The following WDR76 variants were observed in gnomAD, a reference collection of about 807,000 sequenced individuals.
WDR76 encodes WD repeat-containing protein 76.
Under a neutral mutation model 70.2 loss-of-function variants are expected in WDR76, and 52 were observed. That is an observed-to-expected ratio of 0.74 (90% confidence interval 0.59 to 0.93). The LOEUF (loss-of-function observed/expected upper bound fraction) is 0.93, where lower values mean the gene tolerates loss of function less well. Among genes scored for constraint, WDR76 ranks in the 40% least tolerant of loss-of-function variants. The probability of loss-of-function intolerance (pLI) is 0.00; values close to 1 mark genes in which losing one functional copy is unlikely to be tolerated. For synonymous variants in WDR76, 292 were observed against 271.1 expected, an observed-to-expected ratio of 1.08 and a Z score of -0.76; for missense variants, 756 against 760.2, an observed-to-expected ratio of 0.99 and a Z score of 0.07.
In WDR76 at chr15:43,868,153, T is replaced by A. The variant is rs1377083453; in HGVS notation, c.*1761T>A. The A allele has an allele frequency of 2.0e-5, 3 of 152,210 alleles. No homozygotes were observed. Among genetic ancestry groups the A allele is most frequent in the African/African-American group, 4.8e-5 (2 of 41,462 alleles). The allele number at this position is 152,210 out of a possible 1,614,324, so 9.4% of individuals were successfully genotyped here. A position where few individuals can be genotyped will look rare whatever the true frequency, so the allele number is the denominator to read the frequency against. ...GACAAGTGAGATGGAAATGTTAATT[T>A]ATAAAGGGAAAGAAAAGCTAGGTGA... On this transcript the variant is annotated 3_prime_UTR_variant, in exon 13 of 13. Transcript: ENST00000263795.
chr15:43,864,544 C>T lies in WDR76; in HGVS notation c.1617-1584C>T, dbSNP rs143632254. On this transcript the variant is annotated intron_variant, in intron 12 of 12. Transcript: ENST00000263795. ...TTCATATAATTGGCCATTTGTATAT[C>T]GTCTTTTGAGAAGTGTGTATTCAGA... 1.3e-4 allele frequency among the ~76,000 whole-genome samples: 19 copies of T among 151,854 alleles called. No homozygotes were observed. In the East Asian group the frequency reaches 3.1e-3, roughly 25 times the overall value.
In WDR76 at chr15:43,868,318, T is replaced by C. The variant is rs1368746882; in HGVS notation, c.*1926T>C. On this transcript the variant is annotated 3_prime_UTR_variant, in exon 13 of 13. Coordinates refer to ENST00000263795, the MANE Select transcript of WDR76 (RefSeq NM_024908.4). ...TTTTTGTTTTTGTTTTTAAAGATGC[T>C]GAAAACTACTCTCAATCAAATTAGT... 6.6e-6 allele frequency: 1 copy of C among 152,350 alleles called. No homozygotes were observed. The allele number at this position is 152,350 out of a possible 1,614,324, so 9.4% of individuals were successfully genotyped here.
chr15:43,865,737 G>T (rs2088062269), intron 12 of WDR76, among the ~76,000 whole-genome samples: 1 of 152,174 alleles, frequency 6.6e-6, no homozygotes, highest in African/African-American at 2.4e-5. Context: ...TTTATGTAGG[G>T]TGACTATTCT....
At position 43,836,087 on chromosome 15, in the gene WDR76, G is replaced by A. The variant is rs2087652210; in HGVS notation, c.553-74G>A. The stretch of plus-strand genomic sequence containing the variant: ...TAGACCTTAGTTTAGTGTGGGTATA[G>A]TAGCAGATGCTTAATATTTTAAAAG... On this transcript the variant is annotated intron_variant, in intron 3 of 12. Coordinates refer to ENST00000263795, the MANE Select transcript of WDR76 (RefSeq NM_024908.4). 6.6e-6 allele frequency: 9 copies of A among 1,371,964 alleles called. No homozygotes were observed. In the Admixed American group the frequency reaches 1.8e-4, roughly 27 times the overall value. The allele number at this position is 1,371,964 out of a possible 1,614,324, so 85.0% of individuals were successfully genotyped here.
intron 8 of WDR76, among the ~76,000 whole-genome samples, chr15:43,849,527 A>T (rs966638682): frequency 6.6e-6 from 1 of 152,108 alleles, no homozygotes; most frequent in Non-Finnish European, 1.5e-5. Flanking sequence ...AATTTTGGTT[A>T]ATTTTAGATT....
chr15:43,836,030 A>G (rs187708992), intron 3 of WDR76, 131 bp from the exon 4 acceptor site: 116 of 699,038 alleles, frequency 1.7e-4, no homozygotes, highest in Non-Finnish European at 2.3e-4. Context: ...ATCATGACTC[A>G]TGGCCTATCT....
intron 12 of WDR76, among the ~76,000 whole-genome samples, chr15:43,863,648 CTCCT>C: frequency 6.6e-6 from 1 of 152,076 alleles, no homozygotes; most frequent in Admixed American, 6.5e-5. Context: ...CAGCCTCAAT[CTCCT>C]GGACTTGAGC....
intron 10 of WDR76, chr15:43,857,447 C>T (rs2087942212): frequency 1.0e-6 from 1 of 984,948 alleles, no homozygotes; most frequent in Non-Finnish European, 1.2e-6. Flanking sequence ...ATTTAAATTT[C>T]ACAGAAAAAA....
intron 7 of WDR76, among the ~76,000 whole-genome samples, chr15:43,843,278 C>T (rs988868736): frequency 3.3e-5 from 5 of 152,100 alleles, no homozygotes; most frequent in African/African-American, 1.2e-4. Context: ...GCCTTGGACT[C>T]CCAAAGTGCT....
intron 11 of WDR76, 76 bp from the exon 12 acceptor site, chr15:43,861,257 C>T: frequency 8.3e-7 from 1 of 1,208,628 alleles, no homozygotes. Flanking sequence ...TAATGAGAAG[C>T]TTGTTAAATA....
chr15:43,836,173 CT>C lies in WDR76; in HGVS notation c.566del (p.Leu189ProfsTer4). ...TTATACTTTACAGTCTGCTGCAAGA[CT>C]CCGTGAAATGATAGAGAAGAGACAG... is the stretch of plus-strand genomic sequence containing the variant. Reference protein sequence around the residue: ...SLQLSESAARLREMIEKRQPP... With the variant: ...SLQLSESAARXREMIEKRQPP... On this transcript the variant is annotated frameshift_variant, in exon 4 of 13. Transcript: ENST00000263795. LOFTEE classifies it high-confidence loss of function. 1 of 1,608,134 alleles carries C rather than the reference CT, an allele frequency of 6.2e-7. No homozygotes were observed.
At chr15:43,857,961 C>CTTT (rs397854561) in intron 10 of WDR76, among the ~76,000 whole-genome samples, 31 of 95,524 alleles carry the variant, frequency 3.2e-4, no homozygotes, top group African/African-American at 9.7e-4. Context: ...AGGGTTCTGT[C>CTTT]TTTTTTTTTT....
intron 9 of WDR76, among the ~76,000 whole-genome samples, chr15:43,853,331 T>C (rs1180032228): frequency 1.3e-5 from 2 of 151,720 alleles, no homozygotes; most frequent in South Asian, 2.1e-4. Flanking sequence ...GCTGGAACTA[T>C]AGTCATGTGT....
At chr15:43,835,282 C>G in intron 3 of WDR76, 132 bp downstream of exon 3, 1 of 686,884 alleles carries the variant, frequency 1.5e-6, no homozygotes, top group Admixed American at 2.7e-5. Context: ...GCCTGGGTAA[C>G]ATACGGAGAC....
intron 8 of WDR76, among the ~76,000 whole-genome samples, chr15:43,846,751 G>A (rs1290189427): frequency 6.6e-6 from 1 of 152,042 alleles, no homozygotes; most frequent in Non-Finnish European, 1.5e-5. Flanking sequence ...GCCGGACGCG[G>A]TGGCTCACAC....
At chr15:43,830,399 C>G (rs1012382806) in intron 2 of WDR76, among the ~76,000 whole-genome samples, 1 of 151,582 alleles carries the variant, frequency 6.6e-6, no homozygotes, top group Non-Finnish European at 1.5e-5. Context: ...CCCGTCTCTA[C>G]CAAAAATACA....
At chr15:43,861,453 T>C (rs997854279) in intron 12 of WDR76, 67 bp downstream of exon 12, 27 of 1,363,214 alleles carry the variant, frequency 2.0e-5, no homozygotes, top group Non-Finnish European at 2.7e-5. Flanking sequence ...AGTGCATACA[T>C]TAGACATCTG....
At chr15:43,831,730 G>A (rs1337333869) in intron 2 of WDR76, among the ~76,000 whole-genome samples, 2 of 151,970 alleles carry the variant, frequency 1.3e-5, no homozygotes, top group African/African-American at 2.4e-5. Flanking sequence ...GTGAGCCACC[G>A]CGCATGCCAT....
At chr15:43,863,056 C>T (rs910991160) in intron 12 of WDR76, among the ~76,000 whole-genome samples, 1 of 152,168 alleles carries the variant, frequency 6.6e-6, no homozygotes, top group Non-Finnish European at 1.5e-5. Context: ...CTGCCTCAAC[C>T]TCTTGAGTAG....
Sources: allele counts gnomAD v4.1 joint callset (sites outside exome capture counted in the v4.1 genomes callset), GRCh38; gene constraint gnomAD v4.1.1; transcripts MANE v1.5; gene names NCBI Gene and HGNC (gene_info 2026-07-23, HGNC 2026-07-21).